Variants in MALRD1 observed in about 807,000 individuals in gnomAD.
MALRD1 encodes the protein MAM and LDL receptor class A domain containing 1.
MALRD1 carries 247 observed loss-of-function variants against 242.1 expected under a neutral mutation model. The observed-to-expected ratio is 1.02, with a 90% CI of 0.92 to 1.13. The LOEUF (loss-of-function observed/expected upper bound fraction) is 1.13, where lower values mean the gene tolerates loss of function less well. Ranked by LOEUF, MALRD1 falls within the 50% of genes most tolerant of loss-of-function variation. The pLI is 0.00. For missense variants in MALRD1, 2,989 were observed against 2,533.1 expected (o/e 1.18, Z -3.86); for synonymous variants, 995 against 866.6 (o/e 1.15, Z -2.60).
intron 19 of MALRD1, among the ~76,000 whole-genome samples, chr10:19,270,368 A>G (rs1840170860): frequency 2.0e-5 from 3 of 150,014 alleles, no homozygotes; most frequent in Admixed American, 6.6e-5. Flanking sequence ...ACACACACAC[A>G]CACACACACC....
At chr10:19,467,782 T>A (rs1435777122) in intron 29 of MALRD1, among the ~76,000 whole-genome samples, 5 of 123,902 alleles carry the variant, frequency 4.0e-5, no homozygotes, top group African/African-American at 1.2e-4. Context: ...ACTTTTTAAA[T>A]TTTTTTTTAA....
At chr10:19,315,546 A>AT (rs1379079400) in intron 21 of MALRD1, among the ~76,000 whole-genome samples, 1 of 49,306 alleles carries the variant, frequency 2.0e-5, no homozygotes, top group African/African-American at 1.0e-4. Flanking sequence ...AAATATATAA[A>AT]AATATAAATA....
chr10:19,573,017 T>G (rs943045347), intron 33 of MALRD1, among the ~76,000 whole-genome samples: 3 of 152,198 alleles, frequency 2.0e-5, no homozygotes, highest in African/African-American at 7.2e-5. Flanking sequence ...AGAAAACTAA[T>G]ACAATTGGGA....
In MALRD1 at chr10:19,499,564, A is replaced by G. The variant is rs138749231; in HGVS notation, c.5320+918A>G. Among the ~76,000 whole-genome samples, 228 of 152,304 alleles carry G rather than the reference A, an allele frequency of 1.5e-3. 1 individual carries two copies. Among genetic ancestry groups the G allele is most frequent in the African/African-American group, 5.2e-3 (216 of 41,584 alleles). ...CAGCCTGACAGTCCACCCTGCAGAT[A>G]TTGGACTTGGCAGCCTTCATAATGT... On this transcript the variant is annotated intron_variant, in intron 31 of 39. Coordinates refer to ENST00000454679, the MANE Select transcript of MALRD1 (RefSeq NM_001142308.3).
intron 34 of MALRD1, among the ~76,000 whole-genome samples, chr10:19,597,406 T>C (rs1838147831): frequency 6.6e-6 from 1 of 152,158 alleles, no homozygotes; most frequent in Non-Finnish European, 1.5e-5. Flanking sequence ...CCTGCGAAGT[T>C]CTGTTCCAAA....
At chr10:19,294,133 C>T (rs1479610929) in intron 21 of MALRD1, among the ~76,000 whole-genome samples, 2 of 152,150 alleles carry the variant, frequency 1.3e-5, no homozygotes, top group Non-Finnish European at 2.9e-5. Flanking sequence ...ACTTTTATAT[C>T]TCGTTTACAA....
At chr10:19,530,921 G>A (rs1424630586) in intron 31 of MALRD1, among the ~76,000 whole-genome samples, 1 of 152,072 alleles carries the variant, frequency 6.6e-6, no homozygotes, top group African/African-American at 2.4e-5. Context: ...CAAATTAGGA[G>A]AATAGGAATA....
At chr10:19,481,551 C>T (rs1481285161) in intron 29 of MALRD1, among the ~76,000 whole-genome samples, 5 of 152,162 alleles carry the variant, frequency 3.3e-5, no homozygotes, top group East Asian at 1.9e-4. Flanking sequence ...TGTGAAGAGA[C>T]ATTTGGGTGC....
chr10:19,587,214 A>T (rs1351322504), intron 33 of MALRD1, among the ~76,000 whole-genome samples: 3 of 152,184 alleles, frequency 2.0e-5, no homozygotes, highest in African/African-American at 7.2e-5. Context: ...GGAGCTGTAG[A>T]CCGGAGCTGT....
intron 14 of MALRD1, among the ~76,000 whole-genome samples, chr10:19,189,412 C>G (rs963221496): frequency 2.6e-5 from 4 of 152,054 alleles, no homozygotes; most frequent in Non-Finnish European, 5.9e-5. Context: ...ACAATCCTCT[C>G]AAATTTTTCC....
intron 28 of MALRD1, among the ~76,000 whole-genome samples, chr10:19,398,846 G>C (rs908188003): frequency 6.6e-6 from 1 of 152,186 alleles, no homozygotes; most frequent in African/African-American, 2.4e-5. Flanking sequence ...ACTGAAGATA[G>C]CATTCTATCT....
intron 8 of MALRD1, among the ~76,000 whole-genome samples, chr10:19,132,946 G>GT (rs1186546279): frequency 6.6e-6 from 1 of 151,840 alleles, no homozygotes; most frequent in South Asian, 2.1e-4. Flanking sequence ...ATTTTATTTA[G>GT]TTTTTTTGAG....
chr10:19,548,767 C>G (rs561308278), intron 32 of MALRD1, among the ~76,000 whole-genome samples: 1 of 152,304 alleles, frequency 6.6e-6, no homozygotes, highest in Admixed American at 6.5e-5. Flanking sequence ...GACAAGACCA[C>G]ATCCAAATTA....
Position 19,387,102 on chromosome 10 carries a change from C to T in MALRD1, c.4442-426C>T, listed in dbSNP as rs143343370. On this transcript the variant is annotated intron_variant, in intron 26 of 39. Coordinates refer to ENST00000454679, the MANE Select transcript of MALRD1 (RefSeq NM_001142308.3). The stretch of plus-strand genomic sequence containing the variant: ...GGCTTCTGAAAAATATTAGAGTGGA[C>T]GGATGCTAATGGAATGTATTTCCAA... Among the ~76,000 whole-genome samples the T allele has an allele frequency of 2.4e-3, 363 of 152,084 alleles. 2 individuals carry two copies. The highest frequency in any genetic ancestry group is 8.4e-3 in the African/African-American group (347 of 41,478).
At chr10:19,384,120 G>T (rs995864406) in intron 26 of MALRD1, among the ~76,000 whole-genome samples, 1 of 151,006 alleles carries the variant, frequency 6.6e-6, no homozygotes, top group South Asian at 2.1e-4. Context: ...CTGATGATTC[G>T]TGATGTTGAG....
chr10:19,099,718 A>C (rs1399456205), intron 4 of MALRD1, among the ~76,000 whole-genome samples: 1 of 151,824 alleles, frequency 6.6e-6, no homozygotes, highest in Non-Finnish European at 1.5e-5. Context: ...CCATACACCA[A>C]CACAGCTCTG....
chr10:19,607,964 T>C, intron 35 of MALRD1, 62 bp downstream of exon 35: 1 of 1,520,212 alleles, frequency 6.6e-7, no homozygotes, highest in Non-Finnish European at 8.9e-7. Flanking sequence ...TGCAACACAA[T>C]GAAAATATTA....
At chr10:19,618,205 T>C (rs1839252408) in intron 36 of MALRD1, among the ~76,000 whole-genome samples, 1 of 152,112 alleles carries the variant, frequency 6.6e-6, no homozygotes, top group Admixed American at 6.6e-5. Flanking sequence ...GGTATATATG[T>C]ACCACATTTC....
chr10:19,076,633 G>T (rs112061963), intron 2 of MALRD1, among the ~76,000 whole-genome samples: 2,570 of 152,036 alleles, frequency 0.017, 29 homozygotes, highest in Non-Finnish European at 0.028. Flanking sequence ...CGATTGCATT[G>T]ATCTTTCTGC....
Sources: allele counts gnomAD v4.1 joint callset (sites outside exome capture counted in the v4.1 genomes callset), GRCh38; gene constraint gnomAD v4.1.1; transcripts MANE v1.5; gene names NCBI Gene and HGNC (gene_info 2026-07-23, HGNC 2026-07-21).